PCDH7: variants seen among roughly 807,000 people sequenced by gnomAD.
PCDH7 encodes the protein protocadherin 7.
A neutral mutation model predicts 58.9 loss-of-function variants in PCDH7; 17 were observed. The observed-to-expected ratio is 0.29, with a 90% CI of 0.20 to 0.43. The LOEUF (loss-of-function observed/expected upper bound fraction) is 0.43, where lower values mean the gene tolerates loss of function less well. Ranked by LOEUF, PCDH7 falls within the 20% of genes least tolerant of loss-of-function variation. PCDH7 has a pLI of 1.00. For missense variants in PCDH7, 1,274 were observed against 1,441.0 expected, an observed-to-expected ratio of 0.88 and a Z score of 1.88; for synonymous variants, 664 against 616.4, an observed-to-expected ratio of 1.08 and a Z score of -1.14.
At chr4:30,810,230 A>G (rs557390988) in intron 1 of PCDH7, among the ~76,000 whole-genome samples, 2 of 152,268 alleles carry the variant, frequency 1.3e-5, no homozygotes, top group East Asian at 3.9e-4. Flanking sequence ...GTCTCACTAG[A>G]CTGAGACATC....
chr4:30,935,953 A>G (rs1403614209), intron 2 of PCDH7, among the ~76,000 whole-genome samples: 2 of 152,136 alleles, frequency 1.3e-5, no homozygotes, highest in Non-Finnish European at 2.9e-5. Flanking sequence ...GCACCACGTC[A>G]TCACAGTGTC....
intron 1 of PCDH7, among the ~76,000 whole-genome samples, chr4:30,883,829 G>C (rs73214924): frequency 0.031 from 4,717 of 152,236 alleles, 191 homozygotes; most frequent in African/African-American, 0.09. Context: ...TTTCCTGACT[G>C]TGCAAATTTG....
chr4:30,827,772 G>A (rs2109327495), intron 1 of PCDH7, among the ~76,000 whole-genome samples: 1 of 152,104 alleles, frequency 6.6e-6, no homozygotes, highest in Middle Eastern at 3.4e-3. Context: ...GTATTCTCAA[G>A]AAACATACAA....
rs557347830 is a variant in PCDH7 at position 30,755,059 on chromosome 4, T to C, written c.70+30463T>C. The stretch of plus-strand genomic sequence containing the variant: ...GGGTTTAACAACTTTTCAAAGATCA[T>C]ACAGTGGCTAAGATGTAGAGCTGGG... On this transcript the variant is annotated intron_variant, in intron 1 of 3. Transcript: ENST00000509759. Among the ~76,000 whole-genome samples, 219 of 152,270 alleles carry C rather than the reference T, an allele frequency of 1.4e-3. 1 individual carries two copies. The highest frequency in any genetic ancestry group is 5.0e-3 in the African/African-American group (209 of 41,556).
chr4:31,105,955 C>A (rs915232086), intron 3 of PCDH7, among the ~76,000 whole-genome samples: 5 of 150,658 alleles, frequency 3.3e-5, no homozygotes, highest in African/African-American at 1.2e-4. Flanking sequence ...TGCAGTGAGC[C>A]GTAATCGCGC....
Position 31,129,373 on chromosome 4 carries a change from T to A in PCDH7, c.*8-13100T>A, listed in dbSNP as rs1578874514. Among the ~76,000 whole-genome samples, 7 of 152,074 alleles carry A rather than the reference T, an allele frequency of 4.6e-5. No homozygotes were observed. In the East Asian group the frequency reaches 1.4e-3, roughly 29 times the overall value. On this transcript the variant is annotated intron_variant, in intron 3 of 3. Transcript: ENST00000509759. ...GGACTCATGAGAGACAGATAACAAG[T>A]CAAGGAATAGCAGAAGAAACACATT...
At position 30,850,138 on chromosome 4, in the gene PCDH7, C is replaced by G. The variant is rs539024618; in HGVS notation, c.71-70015C>G. Among the ~76,000 whole-genome samples, 131 of 152,192 alleles carry G rather than the reference C, an allele frequency of 8.6e-4. 1 individual carries two copies. The highest frequency in any genetic ancestry group is 1.4e-3 in the Non-Finnish European group (96 of 68,000). Reference sequence around the variant, plus strand: ...TCTCTTATATATTCGTATTTTATTACAAGTACAACTGAATTACACTTTTTG... The same window carrying G: ...TCTCTTATATATTCGTATTTTATTAGAAGTACAACTGAATTACACTTTTTG... On this transcript the variant is annotated intron_variant, in intron 1 of 3. Transcript: ENST00000509759.
intron 1 of PCDH7, among the ~76,000 whole-genome samples, chr4:30,752,558 T>C (rs892122934): frequency 6.6e-6 from 1 of 151,984 alleles, no homozygotes; most frequent in East Asian, 1.9e-4. Context: ...ATAATAAAAT[T>C]TCAAAGCTAT....
intron 3 of PCDH7, among the ~76,000 whole-genome samples, chr4:31,037,490 C>T (rs1022981873): frequency 3.3e-5 from 5 of 152,132 alleles, no homozygotes; most frequent in Non-Finnish European, 5.9e-5. Flanking sequence ...CAAGTCTAGC[C>T]ATGTTCTATG....
chr4:30,790,926 AAAAAC>A (rs1235423646), intron 1 of PCDH7, among the ~76,000 whole-genome samples: 3 of 152,068 alleles, frequency 2.0e-5, no homozygotes, highest in East Asian at 4.0e-4. Flanking sequence ...TTGTCTCAAA[AAAAAC>A]AAAACAAAAC....
intron 3 of PCDH7, among the ~76,000 whole-genome samples, chr4:30,961,264 G>C (rs34347677): frequency 6.6e-6 from 1 of 151,544 alleles, no homozygotes; most frequent in Non-Finnish European, 1.5e-5. Flanking sequence ...ACCTTGGCAC[G>C]CCGGGCACGG....
chr4:31,098,260 G>T (rs117466854), intron 3 of PCDH7, among the ~76,000 whole-genome samples: 1 of 152,158 alleles, frequency 6.6e-6, no homozygotes, highest in Admixed American at 6.5e-5. Flanking sequence ...TTCTGGTCTC[G>T]TGACTGACCA....
intron 1 of PCDH7, among the ~76,000 whole-genome samples, chr4:30,760,399 CAAA>C (rs761415168): frequency 3.0e-4 from 46 of 152,230 alleles, no homozygotes; most frequent in Non-Finnish European, 5.1e-4. Flanking sequence ...GAGAGGGAGC[CAAA>C]TTGTCTTTGT....
At chr4:31,010,872 A>AAAG (rs1256320910) in intron 3 of PCDH7, among the ~76,000 whole-genome samples, 6 of 152,042 alleles carry the variant, frequency 3.9e-5, no homozygotes. Flanking sequence ...TAAAAAATAA[A>AAAG]AAGATGAGCA....
intron 1 of PCDH7, among the ~76,000 whole-genome samples, chr4:30,907,635 C>A (rs1741137676): frequency 6.6e-6 from 1 of 152,114 alleles, no homozygotes; most frequent in Non-Finnish European, 1.5e-5. Context: ...AATAGGAATG[C>A]TTTTACACTG....
intron 1 of PCDH7, among the ~76,000 whole-genome samples, chr4:30,868,385 T>G (rs1735140715): frequency 6.6e-6 from 1 of 152,114 alleles, no homozygotes; most frequent in African/African-American, 2.4e-5. Flanking sequence ...TTTTAAACAT[T>G]ACGCTGCTGA....
chr4:30,997,179 G>T (rs114024382), intron 3 of PCDH7, among the ~76,000 whole-genome samples: 1 of 151,844 alleles, frequency 6.6e-6, no homozygotes, highest in Non-Finnish European at 1.5e-5. Context: ...GCTAAAGAGC[G>T]ATATAATAAA....
At chr4:31,056,516 AGGGGAAGGGAAGG>A (rs1757249804) in intron 3 of PCDH7, among the ~76,000 whole-genome samples, 8 of 94,992 alleles carry the variant, frequency 8.4e-5, no homozygotes, top group East Asian at 8.7e-4. Context: ...AAAGAAAGAA[AGGGGAAGGGAAGG>A]GAAGGAAGGA....
In PCDH7 at chr4:30,933,322, G is replaced by A. The variant is rs1578337488; in HGVS notation, c.287+12953G>A. Among the ~76,000 whole-genome samples the A allele has an allele frequency of 2.0e-5, 3 of 152,192 alleles. No individual in the cohort carries two copies. The South Asian group carries it at 6.2e-4, about 32-fold the overall frequency. The stretch of plus-strand genomic sequence containing the variant: ...GTACAGGTGTGAGCCACTGCACCTG[G>A]CCAGGAGTTTCTTAATCCACACACT... On this transcript the variant is annotated intron_variant, in intron 2 of 3. Transcript: ENST00000509759.
Sources: gnomAD v4.1 joint callset for allele counts (sites outside exome capture counted in the v4.1 genomes callset) on GRCh38, gnomAD v4.1.1 for gene constraint, MANE v1.5 for transcripts, NCBI Gene and HGNC (gene_info 2026-07-23, HGNC 2026-07-21) for gene names.